ASTN2: variants seen among roughly 807,000 people sequenced by gnomAD.
The protein encoded by ASTN2 is astrotactin-2.
A neutral mutation model predicts 139.8 loss-of-function variants in ASTN2; 54 were observed. The ratio of observed to expected loss-of-function variants is 0.39; its 90% CI spans 0.31 to 0.48. The LOEUF (loss-of-function observed/expected upper bound fraction) is 0.48. Among genes scored for constraint, ASTN2 ranks in the 20% least tolerant of loss-of-function variants. The probability of loss-of-function intolerance (pLI) is 0.95; values close to 1 mark genes in which losing one functional copy is unlikely to be tolerated. For synonymous variants in ASTN2, 756 were observed against 719.5 expected (o/e 1.05, Z -0.81); for missense variants, 1,565 against 1,725.1 (o/e 0.91, Z 1.64).
chr9:116,835,762 A>G (rs1325743660), intron 11 of ASTN2, among the ~76,000 whole-genome samples: 3 of 152,186 alleles, frequency 2.0e-5, no homozygotes, highest in Admixed American at 6.5e-5. Context: ...CAAATATTTT[A>G]CAGAGTTTGG....
chr9:116,635,665 T>C (rs143641378), intron 17 of ASTN2, among the ~76,000 whole-genome samples: 19 of 152,288 alleles, frequency 1.2e-4, no homozygotes, highest in African/African-American at 4.1e-4. Context: ...TATACTTCAA[T>C]TGCCTGGTGT....
chr9:116,696,677 A>G (rs1377006475), intron 16 of ASTN2, among the ~76,000 whole-genome samples: 3 of 152,122 alleles, frequency 2.0e-5, no homozygotes, highest in Non-Finnish European at 1.5e-5. Flanking sequence ...TTCTGCCTTC[A>G]TTATTATTTA....
intron 16 of ASTN2, among the ~76,000 whole-genome samples, chr9:116,702,136 T>C (rs1423021616): frequency 6.6e-6 from 1 of 152,150 alleles, no homozygotes; most frequent in East Asian, 1.9e-4. Flanking sequence ...TTCTGTCTTA[T>C]TAGTCATGTG....
chr9:117,379,611 A>T (rs1306536094), intron 1 of ASTN2, among the ~76,000 whole-genome samples: 2 of 152,232 alleles, frequency 1.3e-5, no homozygotes, highest in Non-Finnish European at 2.9e-5. Flanking sequence ...AGTTTGCTTC[A>T]AACCAGGCAC....
chr9:117,401,362 G>C (rs1467152985), intron 1 of ASTN2, among the ~76,000 whole-genome samples: 1 of 152,090 alleles, frequency 6.6e-6, no homozygotes, highest in Non-Finnish European at 1.5e-5. Flanking sequence ...GTGTATAAGG[G>C]TGCTACTTTG....
intron 13 of ASTN2, among the ~76,000 whole-genome samples, chr9:116,804,378 T>C (rs762602170): frequency 6.6e-6 from 1 of 152,126 alleles, no homozygotes; most frequent in Non-Finnish European, 1.5e-5. Flanking sequence ...ATTCTAATAA[T>C]GAAGCTAAAA....
chr9:116,983,333 T>A (rs918080721), intron 7 of ASTN2, among the ~76,000 whole-genome samples: 1 of 152,158 alleles, frequency 6.6e-6, no homozygotes, highest in African/African-American at 2.4e-5. Context: ...GTGCTAAAAG[T>A]GGTATGTGAC....
chr9:116,863,343 G>A (rs1265291087), intron 11 of ASTN2, among the ~76,000 whole-genome samples: 5 of 152,218 alleles, frequency 3.3e-5, no homozygotes, highest in Non-Finnish European at 7.3e-5. Context: ...CTATTGTGTG[G>A]TGGGCACTTA....
intron 5 of ASTN2, among the ~76,000 whole-genome samples, chr9:117,056,649 A>T (rs1443583142): frequency 6.6e-6 from 1 of 152,232 alleles, no homozygotes; most frequent in African/African-American, 2.4e-5. Flanking sequence ...AGGAGGCAGC[A>T]GGCAAGCTGA....
chr9:117,036,447 C>T (rs1328107905), intron 6 of ASTN2, among the ~76,000 whole-genome samples: 2 of 152,204 alleles, frequency 1.3e-5, no homozygotes, highest in Non-Finnish European at 1.5e-5. Flanking sequence ...GGGGAGAACC[C>T]TCCCCTCCAA....
At chr9:116,568,732 T>C (rs1471533762) in intron 19 of ASTN2, 1 of 152,224 alleles carries the variant, frequency 6.6e-6, no homozygotes, top group Admixed American at 6.5e-5. Flanking sequence ...TAAGGAAAGA[T>C]ACTACTACCT....
At chr9:117,158,901 A>T (rs776950700) in intron 3 of ASTN2, among the ~76,000 whole-genome samples, 3 of 151,910 alleles carry the variant, frequency 2.0e-5, no homozygotes, top group Non-Finnish European at 2.9e-5. Context: ...ACTCACTCTG[A>T]TCTTCACTGC....
intron 13 of ASTN2, among the ~76,000 whole-genome samples, chr9:116,772,167 T>C (rs1328195453): frequency 1.3e-5 from 2 of 152,250 alleles, no homozygotes; most frequent in African/African-American, 4.8e-5. Flanking sequence ...GGTTGTGATA[T>C]GGTTTGGCTG....
At chr9:116,625,580 A>ACCATAACTTATTCTAT (rs6151137) in intron 17 of ASTN2, among the ~76,000 whole-genome samples, 1 of 151,664 alleles carries the variant, frequency 6.6e-6, no homozygotes, top group African/African-American at 2.4e-5. Context: ...TTTCTAAAAC[A>ACCATAACTTATTCTAT]CCTCTTGCTT....
At chr9:117,190,770 C>T (rs1831323397) in intron 3 of ASTN2, among the ~76,000 whole-genome samples, 1 of 152,114 alleles carries the variant, frequency 6.6e-6, no homozygotes, top group Admixed American at 6.6e-5. Context: ...ATCATTAAGA[C>T]CTTTCCTGAG....
intron 19 of ASTN2, among the ~76,000 whole-genome samples, chr9:116,557,223 C>CAAAAAAAAAAAAAAAAAAAAAAAAA (rs60756690): frequency 1.9e-5 from 1 of 53,596 alleles, no homozygotes; most frequent in African/African-American, 7.5e-5. Context: ...GACTCTGTCT[C>CAAAAAAAAAAAAAAAAAAAAAAAAA]AAAAAAAAAA....
At chr9:117,090,696 T>C (rs1363541063) in intron 5 of ASTN2, among the ~76,000 whole-genome samples, 1 of 152,086 alleles carries the variant, frequency 6.6e-6, no homozygotes, top group Non-Finnish European at 1.5e-5. Flanking sequence ...TGTCAACAGC[T>C]CCATTTTATG....
In ASTN2 at chr9:117,115,481, C is replaced by A. The variant is rs569714061; in HGVS notation, c.1169-19330G>T. ...GAGGTTGCAGTAAGCCGAGATCATG[C>A]CACTGTACTCCAGCCTGGGCGACAG... is the stretch of plus-strand genomic sequence containing the variant. On this transcript the variant is annotated intron_variant, in intron 4 of 22. Coordinates refer to ENST00000313400, the MANE Select transcript of ASTN2 (RefSeq NM_001365068.1). 2.0e-5 allele frequency among the ~76,000 whole-genome samples: 3 copies of A among 152,140 alleles called. No homozygotes were observed. In the South Asian group the frequency reaches 6.3e-4, roughly 32 times the overall value.
intron 16 of ASTN2, among the ~76,000 whole-genome samples, chr9:116,694,030 AG>A (rs1860708169): frequency 6.6e-6 from 1 of 152,108 alleles, no homozygotes; most frequent in Non-Finnish European, 1.5e-5. Flanking sequence ...TGCTTTAGTG[AG>A]GGGAACACAG....
Sources: gnomAD v4.1 joint callset for allele counts (sites outside exome capture counted in the v4.1 genomes callset) on GRCh38, gnomAD v4.1.1 for gene constraint, MANE v1.5 for transcripts, NCBI Gene and HGNC (gene_info 2026-07-23, HGNC 2026-07-21) for gene names.